Variants in RBM8A observed in about 807,000 individuals in gnomAD.
The protein encoded by RBM8A is RNA binding motif protein 8A, also known as RNA-binding protein 8A.
In RBM8A, 8 loss-of-function variants were observed where a neutral mutation model predicts 25.1. That is an observed-to-expected ratio of 0.32 (90% confidence interval 0.19 to 0.58). The LOEUF (loss-of-function observed/expected upper bound fraction) is 0.58. Among genes scored for constraint, RBM8A ranks in the 20% least tolerant of loss-of-function variants. The probability of loss-of-function intolerance (pLI) is 0.88; values close to 1 mark genes in which losing one functional copy is unlikely to be tolerated. For missense variants in RBM8A, 114 were observed against 236.8 expected (o/e 0.48, Z 3.40); for synonymous variants, 66 against 80.0 (o/e 0.82, Z 0.94).
chr1:145,925,151 C>T lies in RBM8A; in HGVS notation c.*731G>A. 3.6e-6 allele frequency: 1 copy of T among 280,880 alleles called. No homozygotes were observed. Among genetic ancestry groups the T allele is most frequent in the South Asian group, 2.3e-5 (1 of 43,826 alleles). The allele number at this position is 280,880 out of a possible 1,614,324, so 17.4% of individuals were successfully genotyped here. ...AGAATGCTCCAAGAGGAGATTCATG[C>T]CTTTAGACAGCTGGAAGTACAAAAA... On this transcript the variant is annotated 3_prime_UTR_variant, in exon 6 of 6. Transcript: ENST00000583313.
rs1648187334 is a variant in RBM8A, at chr1:145,926,849, G to A, written c.165C>T (p.Asp55=). The A allele has an allele frequency of 1.2e-6, 2 of 1,613,974 alleles. No homozygotes were observed. Among genetic ancestry groups the A allele is most frequent in the African/African-American group, 1.3e-5 (1 of 74,876 alleles). The change falls in exon 3 of 6, where the codon GAC becomes GAT. Residue 55 remains aspartate, a synonymous_variant. Transcript: ENST00000583313. ...GTTCATCGCCATCCTGCTCCACGCT[G>A]TCATAATCCTCACGCATCCGCGCTC... ...GSRARMREDY[D]SVEQDGDEPG...
Position 145,925,994 on chromosome 1 carries a change from C to T in RBM8A, c.479+47G>A, listed in dbSNP as rs113510982. 14 of 1,614,158 alleles carry T rather than the reference C, an allele frequency of 8.7e-6. No homozygotes were observed. In the Admixed American group the frequency reaches 1.0e-4, roughly 12 times the overall value. ...ATAATACTAAGTCCTCATTCTGTTT[C>T]GTTCGTATTCCCTTCACCCAGACAG... is the stretch of plus-strand genomic sequence containing the variant. On this transcript the variant is annotated intron_variant, in intron 5 of 5. Transcript: ENST00000583313.
At chr1:145,927,102 T>C in intron 1 of RBM8A, 25 bp from the exon 2 acceptor site, 1 of 1,607,944 alleles carries the variant, frequency 6.2e-7, no homozygotes, top group Non-Finnish European at 8.5e-7. Context: ...GATAAAAGAA[T>C]AAGTAACTAT....
rs782516067 is a variant in RBM8A, at chr1:145,923,551, G to C, written c.*2331C>G. On this transcript the variant is annotated 3_prime_UTR_variant, in exon 6 of 6. Transcript: ENST00000583313. Reference sequence around the variant, plus strand: ...GTGACTCAATCTCCATTACTGGAAAGCAGGCACTTTAACCTTGTAGCTCTA... The same window carrying C: ...GTGACTCAATCTCCATTACTGGAAACCAGGCACTTTAACCTTGTAGCTCTA... The C allele has an allele frequency of 1.5e-5, 3 of 204,634 alleles. No homozygotes were observed. Among genetic ancestry groups the C allele is most frequent in the Non-Finnish European group, 2.0e-5 (2 of 102,066 alleles). The allele number at this position is 204,634 out of a possible 1,614,324, so 12.7% of individuals were successfully genotyped here.
In RBM8A at chr1:145,926,065, C is replaced by G. The variant is rs782236279; in HGVS notation, c.455G>C (p.Arg152Pro). The G allele has an allele frequency of 6.2e-7, 1 of 1,614,210 alleles. No individual in the cohort carries two copies. Among genetic ancestry groups the G allele is most frequent in the Non-Finnish European group, 8.5e-7 (1 of 1,180,036 alleles). Residue 152 changes from arginine to proline, a missense_variant, in exon 5 of 6, where the codon CGG (arginine) becomes CCG (proline). By Grantham distance (103) the Arg-to-Pro change is moderately radical. Around this residue, in one of 2 missense-constraint regions of RBM8A, gnomAD observed 102 missense variants for 182.7 expected, o/e 0.56. Coordinates refer to ENST00000583313, the MANE Select transcript of RBM8A (RefSeq NM_005105.5). ...QPISVDWCFVRGPPKGKRRGG... is the reference protein window; with the variant it reads ...QPISVDWCFVPGPPKGKRRGG... ...CCTCCTCTTGCCTTTTGGTGGACCCCGAACAAAACACCAGTCAACGCTGAT... is the reference window on the plus strand; with the variant it reads ...CCTCCTCTTGCCTTTTGGTGGACCCGGAACAAAACACCAGTCAACGCTGAT...
chr1:145,921,847 G>A lies in RBM8A; in HGVS notation c.*4035C>T, dbSNP rs887117207. The A allele has an allele frequency of 1.6e-4, 25 of 152,700 alleles. No individual in the cohort carries two copies. In the East Asian group the frequency reaches 4.3e-3, roughly 26 times the overall value. The allele number at this position is 152,700 out of a possible 1,614,324, so 9.5% of individuals were successfully genotyped here. On this transcript the variant is annotated 3_prime_UTR_variant, in exon 6 of 6. Coordinates refer to ENST00000583313, the MANE Select transcript of RBM8A (RefSeq NM_005105.5). ...TAGGATTTATCTCTGGAATGACAAT[G>A]CATTATACTGATTTAAGATTTGATC...
Position 145,925,938 on chromosome 1 carries a change from A to G in RBM8A, c.480-11T>C, listed in dbSNP as rs782287604. On this transcript the variant is annotated splice_polypyrimidine_tract_variant and intron_variant, in intron 5 of 5. Coordinates refer to ENST00000583313, the MANE Select transcript of RBM8A (RefSeq NM_005105.5). ...CGTCTTCGGCCACCTCTAGGGAAAA[A>G]GAAGCAGGGAGAGGAGTCCATTAGA... 4 of 1,614,042 alleles carry G rather than the reference A, an allele frequency of 2.5e-6. No individual in the cohort carries two copies. The South Asian group carries it at 3.3e-5, about 13-fold the overall frequency.
chr1:145,927,263 C>A (rs1648211957), intron 1 of RBM8A, 97 bp downstream of exon 1: 1 of 1,491,246 alleles, frequency 6.7e-7, no homozygotes, highest in South Asian at 1.2e-5. Flanking sequence ...TTCCTCGATT[C>A]CCATCCTTAC....
Position 145,925,767 on chromosome 1 carries a change from C to T in RBM8A, c.*115G>A. On this transcript the variant is annotated 3_prime_UTR_variant, in exon 6 of 6. Coordinates refer to ENST00000583313, the MANE Select transcript of RBM8A (RefSeq NM_005105.5). ...ATTTATTCGCAACTCAAATACTACG[C>T]ATATACGGTAAGAGATTAAATATAA... The T allele has an allele frequency of 7.4e-6, 9 of 1,213,580 alleles. No homozygotes were observed. Among genetic ancestry groups the T allele is most frequent in the African/African-American group, 1.5e-5 (1 of 66,072 alleles). 75.2% of individuals were successfully genotyped at this position (1,213,580 alleles called of 1,614,324 possible).
chr1:145,927,081 G>C lies in RBM8A; in HGVS notation c.68-4C>G, dbSNP rs782317229. On this transcript the variant is annotated splice_polypyrimidine_tract_variant and splice_region_variant and intron_variant, in intron 1 of 5. Coordinates refer to ENST00000583313, the MANE Select transcript of RBM8A (RefSeq NM_005105.5). ...TCTTTCAGTTTGTGAATGCTCTCTG[G>C]AACCCCAGAAGATAAAAGAATAAGT... is the stretch of plus-strand genomic sequence containing the variant. The C allele has an allele frequency of 6.2e-7, 1 of 1,613,130 alleles. No homozygotes were observed. The highest frequency in any genetic ancestry group is 8.5e-7 in the Non-Finnish European group (1 of 1,179,156).
chr1:145,925,847 A>C lies in RBM8A; in HGVS notation c.*35T>G. The C allele has an allele frequency of 1.3e-6, 2 of 1,594,034 alleles. No homozygotes were observed. The highest frequency in any genetic ancestry group is 1.7e-6 in the Non-Finnish European group (2 of 1,163,222). Reference sequence around the variant, plus strand: ...GTCCAAGGCTGCATGGTCAAATGGAATCTTGAAGAGAACACCTGGACAACA... The same window carrying C: ...GTCCAAGGCTGCATGGTCAAATGGACTCTTGAAGAGAACACCTGGACAACA... On this transcript the variant is annotated 3_prime_UTR_variant, in exon 6 of 6. Transcript: ENST00000583313.
rs1647788562 is a variant in RBM8A at position 145,921,629 on chromosome 1, C to A, written c.*4253G>T. 3 of 152,434 alleles carry A rather than the reference C, an allele frequency of 2.0e-5. No individual in the cohort carries two copies. The allele number at this position is 152,434 out of a possible 1,614,324, so 9.4% of individuals were successfully genotyped here. On this transcript the variant is annotated 3_prime_UTR_variant, in exon 6 of 6. Transcript: ENST00000583313. ...AGAGGCGAGCATCTGAACCTGAGTA[C>A]TAGGTTAATCAAATCTCAAATCCAA...
At chr1:145,926,215 A>C (rs199526147) in intron 4 of RBM8A, 38 bp from the exon 5 acceptor site, 1 of 1,606,858 alleles carries the variant, frequency 6.2e-7, no homozygotes, top group Non-Finnish European at 8.5e-7. Context: ...AAACCCTCCT[A>C]TTTCCCCAAG....
intron 3 of RBM8A, 76 bp from the exon 4 acceptor site, chr1:145,926,694 C>T (rs1300309491): frequency 1.2e-5 from 19 of 1,612,006 alleles, no homozygotes; most frequent in African/African-American, 4.0e-5. Flanking sequence ...AGAGTGAGTG[C>T]GGACTCAGAT....
chr1:145,926,281 A>C, intron 4 of RBM8A, 104 bp from the exon 5 acceptor site: 1 of 1,508,068 alleles, frequency 6.6e-7, no homozygotes, highest in Non-Finnish European at 9.1e-7. Flanking sequence ...ACACACTTTA[A>C]ACAATGAATG....
At position 145,922,544 on chromosome 1, in the gene RBM8A, A is replaced by G; in HGVS notation, c.*3338T>C. 1 of 152,232 alleles carries G rather than the reference A, an allele frequency of 6.6e-6. No individual in the cohort carries two copies. Among genetic ancestry groups the G allele is most frequent in the East Asian group, 1.9e-4 (1 of 5,210 alleles). The allele number at this position is 152,232 out of a possible 1,614,324, so 9.4% of individuals were successfully genotyped here. ...TCCTTTCTTACAGCCTGACAATCTG[A>G]CAATATTTGCAACCTCTATTTGTTT... On this transcript the variant is annotated 3_prime_UTR_variant, in exon 6 of 6. Transcript: ENST00000583313.
chr1:145,927,250 C>G (rs181437243), intron 1 of RBM8A, 110 bp downstream of exon 1: 2 of 1,464,422 alleles, frequency 1.4e-6, no homozygotes, highest in Non-Finnish European at 1.9e-6. Context: ...ACCCAAGACC[C>G]GGTTCCTCGA....
rs1219722488 is a variant in RBM8A at position 145,924,555 on chromosome 1, G to C, written c.*1327C>G. 1 of 369,902 alleles carries C rather than the reference G, an allele frequency of 2.7e-6. No individual in the cohort carries two copies. 22.9% of individuals were successfully genotyped at this position (369,902 alleles called of 1,614,324 possible). On this transcript the variant is annotated 3_prime_UTR_variant, in exon 6 of 6. Transcript: ENST00000583313. ...CAATTATAAACAGCTGAGTTAGCTG[G>C]ACAAGGACTAGGGAGGCAATCAGTA...
rs55897390 is a variant in RBM8A, at chr1:145,925,690, T to A, written c.*192A>T. Reference sequence around the variant, plus strand: ...TACAGCCTTGCTATGCTTTAGAACTTTCAATTTTAGGACAGGAAAGTAACA... The same window carrying A: ...TACAGCCTTGCTATGCTTTAGAACTATCAATTTTAGGACAGGAAAGTAACA... On this transcript the variant is annotated 3_prime_UTR_variant, in exon 6 of 6. Transcript: ENST00000583313. The A allele has an allele frequency of 6.5e-6, 4 of 616,804 alleles. No homozygotes were observed. Among genetic ancestry groups the A allele is most frequent in the Non-Finnish European group, 1.1e-5 (4 of 352,124 alleles). 38.2% of individuals were successfully genotyped at this position (616,804 alleles called of 1,614,324 possible).
Sources: gnomAD v4.1 joint callset for allele counts on GRCh38, gnomAD v4.1.1 for gene constraint, gnomAD v4.1.1 regional missense constraint, MANE v1.5 for transcripts, NCBI Gene and HGNC (gene_info 2026-07-23, HGNC 2026-07-21) for gene names.